Variants in MX1 observed in about 807,000 individuals in gnomAD.
The protein encoded by MX1 is interferon-induced GTP-binding protein Mx1.
Under a neutral mutation model 66.4 loss-of-function variants are expected in MX1, and 66 were observed. The ratio of observed to expected loss-of-function variants is 0.99; its 90% confidence interval spans 0.82 to 1.22. MX1 has a LOEUF of 1.22. Ranked by LOEUF, MX1 falls within the 50% of genes most tolerant of loss-of-function variation. The probability of loss-of-function intolerance (pLI) is 0.00; values close to 1 mark genes in which losing one functional copy is unlikely to be tolerated. For synonymous variants in MX1, 311 were observed against 318.1 expected (o/e 0.98, Z 0.24); for missense variants, 787 against 834.3 (o/e 0.94, Z 0.70).
At chr21:41,427,577 T>C (rs926821771) in intron 2 of MX1, among the ~76,000 whole-genome samples, 178 bp from the exon 3 acceptor site, 2 of 152,190 alleles carry the variant, frequency 1.3e-5, no homozygotes, top group Admixed American at 6.5e-5. Flanking sequence ...GCCTCTTCCA[T>C]CTTAGGCATT....
chr21:41,443,202 C>T (rs1372225637), intron 10 of MX1, among the ~76,000 whole-genome samples: 1 of 152,232 alleles, frequency 6.6e-6, no homozygotes, highest in Non-Finnish European at 1.5e-5. Flanking sequence ...TCATGCTTCA[C>T]TGCTGCCTTT....
intron 13 of MX1, among the ~76,000 whole-genome samples, chr21:41,446,622 A>AG (rs2090671873): frequency 6.6e-6 from 1 of 152,000 alleles, no homozygotes; most frequent in Non-Finnish European, 1.5e-5. Flanking sequence ...TGCTACTGGA[A>AG]AAAAATGGTG....
chr21:41,428,539 T>G (rs2838035), intron 3 of MX1: 21,515 of 152,280 alleles, frequency 0.14, 1,602 homozygotes, highest in South Asian at 0.22. Flanking sequence ...AAGTCAGGAA[T>G]AAGCTTTCAG....
chr21:41,454,478 T>C (rs1312000188), intron 16 of MX1, among the ~76,000 whole-genome samples: 1 of 152,222 alleles, frequency 6.6e-6, no homozygotes, highest in East Asian at 1.9e-4. Flanking sequence ...CAGGTTTCTC[T>C]GGGGTCCACT....
chr21:41,435,938 C>G lies in MX1; in HGVS notation c.207C>G (p.Ala69=). 1 of 1,614,192 alleles carries G rather than the reference C, an allele frequency of 6.2e-7. No homozygotes were observed. Among genetic ancestry groups the G allele is most frequent in the Non-Finnish European group, 8.5e-7 (1 of 1,180,036 alleles). The part of the protein sequence containing the change: ...LRALGVEQDL[A]LPAIAVIGDQ... ...CTCTAGGTGTGGAGCAGGACCTGGC[C>G]CTGCCAGCCATCGCCGTCATCGGGG... is the stretch of plus-strand genomic sequence containing the variant. Residue 69 remains alanine, a synonymous_variant, in exon 6 of 17, where the codon GCC becomes GCG. Coordinates refer to ENST00000398598, the MANE Select transcript of MX1 (RefSeq NM_002462.5).
In MX1 at chr21:41,449,092, A is replaced by G. The variant is rs1388269284; in HGVS notation, c.1274-45A>G. On this transcript the variant is annotated intron_variant, in intron 13 of 16. Coordinates refer to ENST00000398598, the MANE Select transcript of MX1 (RefSeq NM_002462.5). ...TATTGTGTTTAGAAAAATGTGCAAG[A>G]TTATTTTTGTAAAATAATTTAGAGG... The G allele has an allele frequency of 2.0e-6, 3 of 1,530,106 alleles. No homozygotes were observed. The South Asian group carries it at 3.7e-5, about 19-fold the overall frequency. 94.8% of individuals were successfully genotyped at this position (1,530,106 alleles called of 1,614,324 possible).
At chr21:41,451,764 G>A (rs1022488995) in intron 15 of MX1, among the ~76,000 whole-genome samples, 1 of 151,504 alleles carries the variant, frequency 6.6e-6, no homozygotes, top group African/African-American at 2.4e-5. Context: ...GAGCCCAGGA[G>A]GTGGAAGTTG....
At position 41,458,667 on chromosome 21, in the gene MX1, G is replaced by A. The variant is rs1375617593; in HGVS notation, c.1898G>A (p.Arg633Gln). Residue 633 changes from arginine (R) to glutamine (Q), a missense_variant, in exon 17 of 17, where the codon CGG becomes CAG. Physicochemically the swap from Arg to Gln is conservative, Grantham distance 43 (BLOSUM62 1). Coordinates refer to ENST00000398598, the MANE Select transcript of MX1 (RefSeq NM_002462.5). ...ACCTACAGCTGGCTCCTGAAGGAGC[G>A]GAGCGACACCAGCGACAAGCGGAAG... ...KDTYSWLLKERSDTSDKRKFL... is the reference protein window; with the variant it reads ...KDTYSWLLKEQSDTSDKRKFL... The A allele has an allele frequency of 8.1e-6, 13 of 1,614,106 alleles. No homozygotes were observed. The East Asian group carries it at 8.9e-5, about 11-fold the overall frequency.
At chr21:41,427,928 C>A (rs2090107664) in intron 3 of MX1, 62 bp downstream of exon 3, 1 of 152,138 alleles carries the variant, frequency 6.6e-6, no homozygotes, top group Admixed American at 6.5e-5. Context: ...TTTTTTGAGA[C>A]AAGGTCTCAC....
In MX1 at chr21:41,441,940, G is replaced by T. The variant is rs751957769; in HGVS notation, c.929+26G>T. 1.4e-5 allele frequency: 22 copies of T among 1,613,320 alleles called. No homozygotes were observed. Among genetic ancestry groups the T allele is most frequent in the Non-Finnish European group, 1.8e-5 (21 of 1,179,632 alleles). ...GTGCGCTTGCCTGGGTTTCATCATG[G>T]ATCAGTCCAAGCCCAGGATGTCAGG... On this transcript the variant is annotated intron_variant, in intron 10 of 16. Coordinates refer to ENST00000398598, the MANE Select transcript of MX1 (RefSeq NM_002462.5). The surrounding 1 kb of genome is among the most constrained non-coding windows in gnomAD (Gnocchi z 4.0).
chr21:41,439,945 G>A, intron 8 of MX1, 97 bp downstream of exon 8: 1 of 1,353,762 alleles, frequency 7.4e-7, no homozygotes, highest in South Asian at 1.4e-5. Context: ...GAGTAACCGT[G>A]AGTCCAGAGC....
chr21:41,440,670 T>C (rs2146210656), intron 8 of MX1, among the ~76,000 whole-genome samples: 1 of 152,348 alleles, frequency 6.6e-6, no homozygotes, highest in East Asian at 1.9e-4. Flanking sequence ...TCCCTGAGCC[T>C]ATAGCTCTGC....
At chr21:41,445,850 T>G in intron 12 of MX1, 150 bp from the exon 13 acceptor site, 3 of 1,043,498 alleles carry the variant, frequency 2.9e-6, no homozygotes, top group Non-Finnish European at 4.1e-6. Context: ...GATTTTCTAG[T>G]GCCAAAACCT....
At chr21:41,426,364 C>G (rs1750622880) in intron 1 of MX1, 101 bp downstream of exon 1, 1 of 152,426 alleles carries the variant, frequency 6.6e-6, no homozygotes, top group Admixed American at 6.5e-5. Context: ...CGCTCCGGAG[C>G]ACGGGCACGA....
rs1306322838 is a variant in MX1 at position 41,439,762 on chromosome 21, C to T, written c.505C>T (p.Arg169Ter). 10 of 1,613,870 alleles carry T rather than the reference C, an allele frequency of 6.2e-6. No homozygotes were observed. The highest frequency in any genetic ancestry group is 3.3e-5 in the South Asian group (3 of 91,086). ...HELITLEISS[R>*]DVPDLTLIDL... The stretch of plus-strand genomic sequence containing the variant: ...GCTAATCACCCTGGAGATCAGCTCC[C>T]GAGATGTCCCGGATCTGACTCTAAT... The change falls in exon 8 of 17, where the codon CGA (arginine) becomes TGA (stop). Residue 169 changes from arginine (R) to a stop codon, truncating the protein, a stop_gained. Coordinates refer to ENST00000398598, the MANE Select transcript of MX1 (RefSeq NM_002462.5). LOFTEE classifies it high-confidence loss of function.
chr21:41,436,121 A>G (rs981092630), intron 6 of MX1, 92 bp downstream of exon 6: 2 of 1,443,406 alleles, frequency 1.4e-6, no homozygotes, highest in Non-Finnish European at 1.9e-6. Flanking sequence ...TTATTTTCTC[A>G]CAGTTCTGGA....
chr21:41,454,971 A>G (rs1432365870), intron 16 of MX1, among the ~76,000 whole-genome samples: 1 of 151,662 alleles, frequency 6.6e-6, no homozygotes, highest in African/African-American at 2.4e-5. Context: ...CAGTGGCACA[A>G]TCTCAGCTCA....
intron 1 of MX1, among the ~76,000 whole-genome samples, chr21:41,420,994 G>T (rs1279697202): frequency 6.6e-6 from 1 of 152,194 alleles, no homozygotes; most frequent in Admixed American, 6.5e-5. Context: ...GGGAACCAGC[G>T]TTCAGCATAT....
At chr21:41,450,406 T>C (rs1405825930) in intron 14 of MX1, among the ~76,000 whole-genome samples, 3 of 152,180 alleles carry the variant, frequency 2.0e-5, no homozygotes, top group Non-Finnish European at 4.4e-5. Context: ...TTAGCAGTAA[T>C]TAATAATCAC....
Sources: gnomAD v4.1 joint callset for allele counts (sites outside exome capture counted in the v4.1 genomes callset) on GRCh38, gnomAD v4.1.1 for gene constraint, Gnocchi (gnomAD v3.1) non-coding constraint, MANE v1.5 for transcripts, NCBI Gene and HGNC (gene_info 2026-07-23, HGNC 2026-07-21) for gene names.